MGAT4C: variants seen among roughly 807,000 people sequenced by gnomAD.
MGAT4C encodes alpha-1,3-mannosyl-glycoprotein 4-beta-N-acetylglucosaminyltransferase C.
Under a neutral mutation model 40.1 loss-of-function variants are expected in MGAT4C, and 19 were observed. The observed-to-expected ratio is 0.47, with a 90% CI of 0.33 to 0.70. MGAT4C has a LOEUF of 0.70. Ranked by LOEUF, MGAT4C falls within the 30% of genes least tolerant of loss-of-function variation. MGAT4C has a pLI of 0.02. For missense variants in MGAT4C, 491 were observed against 563.2 expected, an observed-to-expected ratio of 0.87 and a Z score of 1.30; for synonymous variants, 181 against 187.1, an observed-to-expected ratio of 0.97 and a Z score of 0.27.
At position 86,445,598 on chromosome 12, in the gene MGAT4C, C is replaced by T. The variant is rs189980119; in HGVS notation, c.-228-10333G>A. Reference sequence around the variant, plus strand: ...ATCAAAAGATACACATTCGATTGCTCGACAGCTCTCTGCAACAGACAAAAA... The same window carrying T: ...ATCAAAAGATACACATTCGATTGCTTGACAGCTCTCTGCAACAGACAAAAA... On this transcript the variant is annotated intron_variant, in intron 2 of 7. Coordinates refer to the MGAT4C transcript ENST00000548651. Among the ~76,000 whole-genome samples the T allele has an allele frequency of 3.3e-3, 506 of 152,184 alleles. 3 individuals are homozygous for T. The highest frequency in any genetic ancestry group is 0.01 in the Middle Eastern group (3 of 294).
intron 1 of MGAT4C, among the ~76,000 whole-genome samples, chr12:86,206,265 G>A (rs544461408): frequency 2.0e-5 from 3 of 152,144 alleles, no homozygotes; most frequent in Admixed American, 2.0e-4. Context: ...GAAATAATAA[G>A]GACAGAGAAT....
At chr12:86,507,939 T>G (rs1175927224) in intron 2 of MGAT4C, among the ~76,000 whole-genome samples, 2 of 152,180 alleles carry the variant, frequency 1.3e-5, no homozygotes, top group Admixed American at 6.6e-5. Flanking sequence ...TCTATTTCTG[T>G]AGAAAATGTC....
intron 3 of MGAT4C, among the ~76,000 whole-genome samples, chr12:86,357,375 T>C (rs1364869364): frequency 1.3e-5 from 2 of 152,106 alleles, no homozygotes; most frequent in East Asian, 1.9e-4. Flanking sequence ...GGGGAGAAAC[T>C]AGAGCAGAAA....
chr12:86,030,798 T>A (rs1029754710), intron 2 of MGAT4C, among the ~76,000 whole-genome samples: 2 of 151,778 alleles, frequency 1.3e-5, no homozygotes, highest in Non-Finnish European at 1.5e-5. Flanking sequence ...ATTAGTTCAA[T>A]TACAACTTTA....
upstream of MGAT4C, among the ~76,000 whole-genome samples, chr12:86,259,158 T>A (rs1430998882): frequency 6.6e-6 from 1 of 151,940 alleles, no homozygotes; most frequent in African/African-American, 2.4e-5. Context: ...TAGAAAGTAA[T>A]AATTAGTAGA....
chr12:86,380,717 T>G (rs1047741693), intron 3 of MGAT4C, among the ~76,000 whole-genome samples: 3 of 152,148 alleles, frequency 2.0e-5, no homozygotes, highest in African/African-American at 7.2e-5. Context: ...CAGAGAGACA[T>G]AATCCATAAA....
At chr12:86,237,684 T>A (rs1198109183) in intron 1 of MGAT4C, among the ~76,000 whole-genome samples, 1 of 151,840 alleles carries the variant, frequency 6.6e-6, no homozygotes, top group Non-Finnish European at 1.5e-5. Flanking sequence ...TGCTGTAAGT[T>A]CTTTGAAGCT....
At chr12:86,789,186 A>C (rs1034468826) in intron 1 of MGAT4C, among the ~76,000 whole-genome samples, 39 of 152,172 alleles carry the variant, frequency 2.6e-4, no homozygotes, top group African/African-American at 8.9e-4. Flanking sequence ...TTAAACAATA[A>C]CTTTGCTACT....
At chr12:86,186,102 C>G (rs908626189) in intron 1 of MGAT4C, among the ~76,000 whole-genome samples, 2 of 152,088 alleles carry the variant, frequency 1.3e-5, no homozygotes, top group African/African-American at 4.8e-5. Context: ...GAGAAGGATA[C>G]AGAAAGGTCT....
At chr12:86,824,736 C>CA (rs35714537) in intron 1 of MGAT4C, among the ~76,000 whole-genome samples, 5,302 of 59,374 alleles carry the variant, frequency 0.089, 156 homozygotes, top group East Asian at 0.18. Flanking sequence ...ACAGCCAGGC[C>CA]AAAAAAAAAA....
chr12:86,301,418 A>G (rs553648739), intron 4 of MGAT4C, among the ~76,000 whole-genome samples: 6 of 152,290 alleles, frequency 3.9e-5, no homozygotes, highest in Admixed American at 1.3e-4. Flanking sequence ...TAGAAAGTCA[A>G]TTCCAGTTCA....
chr12:86,084,130 C>T lies in MGAT4C; in HGVS notation c.-56-34407G>A, dbSNP rs771633497. 5.9e-5 allele frequency among the ~76,000 whole-genome samples: 9 copies of T among 152,078 alleles called. No individual in the cohort carries two copies. In the East Asian group the frequency reaches 9.7e-4, roughly 16 times the overall value. On this transcript the variant is annotated intron_variant, in intron 1 of 4. Transcript: ENST00000611864. ...GAACTGAGGATAGAAGAAGTCCCTG[C>T]GCTCAAAAAACTAACATTTCATTTT...
intron 1 of MGAT4C, among the ~76,000 whole-genome samples, chr12:86,057,256 C>A (rs925360672): frequency 1.3e-5 from 2 of 152,060 alleles, no homozygotes; most frequent in Non-Finnish European, 2.9e-5. Context: ...TGGCTCACTG[C>A]ATCCTCAAAT....
At chr12:86,790,635 C>T (rs977791243) in intron 1 of MGAT4C, among the ~76,000 whole-genome samples, 3 of 152,032 alleles carry the variant, frequency 2.0e-5, no homozygotes, top group Non-Finnish European at 4.4e-5. Flanking sequence ...ATCTCTGAAA[C>T]CATTATTGCT....
At chr12:86,693,260 T>C (rs574086404) in intron 2 of MGAT4C, among the ~76,000 whole-genome samples, 2 of 152,340 alleles carry the variant, frequency 1.3e-5, no homozygotes, top group Admixed American at 6.5e-5. Context: ...TTTATTATTA[T>C]GTCATGTATA....
intron 3 of MGAT4C, among the ~76,000 whole-genome samples, chr12:86,430,941 C>G (rs568544319): frequency 1.3e-5 from 2 of 152,266 alleles, no homozygotes; most frequent in East Asian, 3.9e-4. Flanking sequence ...GTGGGAAGTT[C>G]CTTGCCTGGG....
intron 1 of MGAT4C, among the ~76,000 whole-genome samples, chr12:86,203,863 A>G (rs1214076094): frequency 2.0e-5 from 3 of 151,538 alleles, no homozygotes; most frequent in Non-Finnish European, 2.9e-5. Context: ...AGGCTGAGGC[A>G]CGAGAATCAC....
intron 3 of MGAT4C, among the ~76,000 whole-genome samples, chr12:86,424,007 T>C (rs969078903): frequency 6.6e-6 from 1 of 152,172 alleles, no homozygotes; most frequent in African/African-American, 2.4e-5. Context: ...GTTGTTAGTA[T>C]AGGTTAGCAA....
rs181907978 is a variant in MGAT4C at position 86,680,781 on chromosome 12, G to A, written c.-229+46428C>T. Among the ~76,000 whole-genome samples, 399 of 152,030 alleles carry A rather than the reference G, an allele frequency of 2.6e-3. 2 individuals are homozygous for A. The highest frequency in any genetic ancestry group is 3.4e-3 in the Middle Eastern group (1 of 294). ...CAGAATAAGATTGATATTACTGAAT[G>A]TGATAGGAAAATCATTATATATAAT... On this transcript the variant is annotated intron_variant, in intron 2 of 7. Coordinates refer to the MGAT4C transcript ENST00000548651.
Sources: gnomAD v4.1 joint callset for allele counts (sites outside exome capture counted in the v4.1 genomes callset) on GRCh38, gnomAD v4.1.1 for gene constraint, MANE v1.5 for transcripts, NCBI Gene and HGNC (gene_info 2026-07-23, HGNC 2026-07-21) for gene names.